The following NRP2 variants were observed in gnomAD, a reference collection of about 807,000 sequenced individuals.
The protein encoded by NRP2 is neuropilin 2.
NRP2 carries 52 observed loss-of-function variants against 110.4 expected under a neutral mutation model. That is an observed-to-expected ratio of 0.47 (90% confidence interval 0.38 to 0.59). The LOEUF (loss-of-function observed/expected upper bound fraction) is 0.59, where lower values mean the gene tolerates loss of function less well. Ranked by LOEUF, NRP2 falls within the 20% of genes least tolerant of loss-of-function variation. The probability of loss-of-function intolerance (pLI) is 0.00; values close to 1 mark genes in which losing one functional copy is unlikely to be tolerated. For missense variants in NRP2, 1,049 were observed against 1,203.0 expected, an observed-to-expected ratio of 0.87 and a Z score of 1.89; for synonymous variants, 508 against 468.9, an observed-to-expected ratio of 1.08 and a Z score of -1.08.
chr2:205,765,687 CCA>C (rs768345141), intron 14 of NRP2, 117 bp downstream of exon 14: 2 of 876,782 alleles, frequency 2.3e-6, no homozygotes, highest in Middle Eastern at 2.2e-4. Flanking sequence ...GGTGGGGCAG[CCA>C]CAGTCTCTGC....
chr2:205,683,555 AGTGTGTGT>A (rs60199072), intron 1 of NRP2, among the ~76,000 whole-genome samples, 192 bp downstream of exon 1: 69,401 of 149,990 alleles, frequency 0.46, 16,635 homozygotes, highest in South Asian at 0.54. Flanking sequence ...TCCTGCTAGG[AGTGTGTGT>A]GTGTGTGTGT....
rs559933338 is a variant in NRP2 at position 205,697,635 on chromosome 2, C to A, written c.165C>A (p.Cys55Ter). Residue 55 changes from cysteine to a stop codon, truncating the protein, a stop_gained, in exon 2 of 17, where the codon TGC becomes TGA. Coordinates refer to ENST00000357785, the MANE Select transcript of NRP2 (RefSeq NM_003872.3). LOFTEE classifies it high-confidence loss of function. ...AGGACTACCCCTCCCACCAGAACTG[C>A]GAGTGGATTGTTTACGCCCCCGAAC... ...YPQDYPSHQN[C>*]EWIVYAPEPN... The A allele has an allele frequency of 6.2e-7, 1 of 1,613,874 alleles. No homozygotes were observed. The highest frequency in any genetic ancestry group is 8.5e-7 in the Non-Finnish European group (1 of 1,179,968).
chr2:205,711,684 G>C (rs1394387676), intron 2 of NRP2, among the ~76,000 whole-genome samples: 9 of 152,204 alleles, frequency 5.9e-5, no homozygotes. Flanking sequence ...GAGATGTTCT[G>C]ATACGTAGAC....
At chr2:205,742,439 A>G (rs1280376380) in intron 8 of NRP2, among the ~76,000 whole-genome samples, 1 of 152,244 alleles carries the variant, frequency 6.6e-6, no homozygotes, top group Non-Finnish European at 1.5e-5. Flanking sequence ...GAAGGAAAAG[A>G]ACAGGGTGCT....
At chr2:205,748,004 T>C (rs1020569099) in intron 10 of NRP2, among the ~76,000 whole-genome samples, 1 of 152,112 alleles carries the variant, frequency 6.6e-6, no homozygotes, top group African/African-American at 2.4e-5. Context: ...GCGTTGCTGT[T>C]TGATGGGCAG....
intron 7 of NRP2, among the ~76,000 whole-genome samples, chr2:205,734,722 G>A (rs980180881): frequency 2.6e-5 from 4 of 152,122 alleles, no homozygotes; most frequent in African/African-American, 9.7e-5. Context: ...GAGTGTCTGT[G>A]CCAAGTACAT....
intron 2 of NRP2, among the ~76,000 whole-genome samples, chr2:205,707,942 G>T (rs2056716543): frequency 6.6e-6 from 1 of 152,234 alleles, no homozygotes; most frequent in African/African-American, 2.4e-5. Context: ...CATGATTCCT[G>T]TTCCCTTTTG....
intron 2 of NRP2, among the ~76,000 whole-genome samples, chr2:205,699,663 A>G (rs372616251): frequency 1.3e-5 from 2 of 152,332 alleles, no homozygotes; most frequent in African/African-American, 4.8e-5. Context: ...GAAGGTTGCC[A>G]GAGACTCTGA....
intron 2 of NRP2, chr2:205,697,979 T>C: frequency 2.0e-6 from 1 of 510,876 alleles, no homozygotes; most frequent in Middle Eastern, 5.4e-4. Flanking sequence ...AGGCCGGTAG[T>C]GGAGGAGAAT....
chr2:205,739,078 C>G (rs1307540052), intron 7 of NRP2, among the ~76,000 whole-genome samples: 1 of 152,110 alleles, frequency 6.6e-6, no homozygotes, highest in African/African-American at 2.4e-5. Flanking sequence ...CTGCTCTTTG[C>G]CATTACTCAA....
At chr2:205,782,121 C>A (rs1293470064) in intron 15 of NRP2, among the ~76,000 whole-genome samples, 1 of 152,082 alleles carries the variant, frequency 6.6e-6, no homozygotes, top group Non-Finnish European at 1.5e-5. Flanking sequence ...TCAGCACAAC[C>A]AAGCCGAAGC....
At chr2:205,759,326 T>C (rs2057784906) in intron 12 of NRP2, among the ~76,000 whole-genome samples, 1 of 152,194 alleles carries the variant, frequency 6.6e-6, no homozygotes, top group Non-Finnish European at 1.5e-5. Context: ...TGTCTCTAAA[T>C]GACAGCAGGA....
chr2:205,694,810 C>T (rs1262738041), intron 1 of NRP2, among the ~76,000 whole-genome samples: 1 of 152,156 alleles, frequency 6.6e-6, no homozygotes, highest in African/African-American at 2.4e-5. Context: ...GATCAGTTAT[C>T]AAGAGGAGAA....
At chr2:205,781,957 G>A (rs1339053303) in intron 15 of NRP2, among the ~76,000 whole-genome samples, 2 of 152,116 alleles carry the variant, frequency 1.3e-5, no homozygotes, top group African/African-American at 2.4e-5. Flanking sequence ...GGGTCTTCAG[G>A]CCACAAGCCT....
rs773271726 is a variant in NRP2, at chr2:205,722,528, T to A, written c.484T>A (p.Ser162Thr). The stretch of plus-strand genomic sequence containing the variant: ...CACAAGCCCCAACGGGACCATCGAA[T>A]CTCCTGGGTTTCCTGAGAAGTATCC... ...NFTSPNGTIESPGFPEKYPHN... is the reference protein window; with the variant it reads ...NFTSPNGTIETPGFPEKYPHN... The change falls in exon 4 of 17, where the codon TCT (serine) becomes ACT (threonine). Residue 162 changes from serine (S) to threonine (T), a missense_variant. By Grantham distance (58) the Ser-to-Thr change is moderately conservative. Coordinates refer to ENST00000357785, the MANE Select transcript of NRP2 (RefSeq NM_003872.3). 4 of 1,614,172 alleles carry A rather than the reference T, an allele frequency of 2.5e-6. No individual in the cohort carries two copies. Among genetic ancestry groups the A allele is most frequent in the Admixed American group, 1.7e-5 (1 of 60,024 alleles).
intron 1 of NRP2, among the ~76,000 whole-genome samples, chr2:205,685,044 G>A (rs996913367): frequency 2.6e-5 from 4 of 152,150 alleles, no homozygotes; most frequent in Non-Finnish European, 4.4e-5. Context: ...AAGACTCAGG[G>A]GCCATCTCCT....
At chr2:205,699,339 C>G (rs907360701) in intron 2 of NRP2, among the ~76,000 whole-genome samples, 3 of 152,136 alleles carry the variant, frequency 2.0e-5, no homozygotes, top group African/African-American at 7.2e-5. Flanking sequence ...AAGGTTGGCA[C>G]AAATGGAAGC....
At chr2:205,757,947 T>C (rs1052682107) in intron 12 of NRP2, among the ~76,000 whole-genome samples, 6 of 151,264 alleles carry the variant, frequency 4.0e-5, no homozygotes, top group Admixed American at 2.6e-4. Context: ...CCCAGCAGTG[T>C]GTGGATTGAT....
intron 2 of NRP2, among the ~76,000 whole-genome samples, chr2:205,707,594 G>T (rs1055929500): frequency 6.6e-6 from 1 of 152,196 alleles, no homozygotes; most frequent in Non-Finnish European, 1.5e-5. Flanking sequence ...AGTTTTGTTA[G>T]GGAGGCTGGA....
Sources: gnomAD v4.1 joint callset for allele counts (sites outside exome capture counted in the v4.1 genomes callset) on GRCh38, gnomAD v4.1.1 for gene constraint, MANE v1.5 for transcripts, NCBI Gene and HGNC (gene_info 2026-07-23, HGNC 2026-07-21) for gene names.